GRM8: variants seen among roughly 807,000 people sequenced by gnomAD.
The protein encoded by GRM8 is glutamate metabotropic receptor 8.
Under a neutral mutation model 87.2 loss-of-function variants are expected in GRM8, and 47 were observed. The ratio of observed to expected loss-of-function variants is 0.54; its 90% CI spans 0.43 to 0.69. GRM8 has a LOEUF of 0.69. Among genes scored for constraint, GRM8 ranks in the 30% least tolerant of loss-of-function variants. GRM8 has a pLI of 0.00. For synonymous variants in GRM8, 396 were observed against 404.5 expected (o/e 0.98, Z 0.25); for missense variants, 1,019 against 1,139.2 (o/e 0.89, Z 1.52).
At chr7:126,713,558 A>G (rs930600631) in intron 7 of GRM8, among the ~76,000 whole-genome samples, 1 of 151,544 alleles carries the variant, frequency 6.6e-6, no homozygotes. Flanking sequence ...GCACATGTAT[A>G]CTTATGTAAC....
chr7:126,672,615 A>T (rs1163796184), intron 7 of GRM8, among the ~76,000 whole-genome samples: 2 of 152,202 alleles, frequency 1.3e-5, no homozygotes, highest in African/African-American at 2.4e-5. Flanking sequence ...GATCAAGCTC[A>T]GCGGGAAAGG....
At chr7:127,218,171 A>G (rs1796690892) in intron 2 of GRM8, among the ~76,000 whole-genome samples, 1 of 152,250 alleles carries the variant, frequency 6.6e-6, no homozygotes, top group Non-Finnish European at 1.5e-5. Context: ...AACAATAACC[A>G]AAACACTAAC....
At chr7:126,603,646 G>A (rs1405737110) in intron 8 of GRM8, among the ~76,000 whole-genome samples, 1 of 152,074 alleles carries the variant, frequency 6.6e-6, no homozygotes, top group African/African-American at 2.4e-5. Flanking sequence ...AAAGGGCCCA[G>A]GGAATTGACT....
intron 6 of GRM8, among the ~76,000 whole-genome samples, chr7:126,819,003 C>T (rs1469672741): frequency 2.6e-5 from 4 of 152,094 alleles, no homozygotes; most frequent in Admixed American, 2.0e-4. Flanking sequence ...CATCCCACTG[C>T]TAATACCCCA....
chr7:126,473,724 T>A (rs1805573360), intron 9 of GRM8, among the ~76,000 whole-genome samples: 2 of 152,170 alleles, frequency 1.3e-5, no homozygotes, highest in African/African-American at 4.8e-5. Context: ...TCTTGAATTA[T>A]AGCTCCCACA....
At chr7:126,647,854 T>C (rs1361989) in intron 7 of GRM8, among the ~76,000 whole-genome samples, 46,673 of 151,998 alleles carry the variant, frequency 0.31, 8,024 homozygotes, top group East Asian at 0.43. Context: ...TGTTGTTCTC[T>C]TCCAATGCAT....
rs1213338256 is a variant in GRM8, at chr7:126,685,188, A to G, written c.1358-75690T>C. Among the ~76,000 whole-genome samples, 1 of 152,166 alleles carries G rather than the reference A, an allele frequency of 6.6e-6. No homozygotes were observed. Among genetic ancestry groups the G allele is most frequent in the Non-Finnish European group, 1.5e-5 (1 of 68,000 alleles). ...CATGGGGAAGAGGCGAATAGTCCCTAGAGACTTCCCCTGGGGGACCCCCTG... is the reference window on the plus strand; with the variant it reads ...CATGGGGAAGAGGCGAATAGTCCCTGGAGACTTCCCCTGGGGGACCCCCTG... On this transcript the variant is annotated intron_variant, in intron 7 of 10. Transcript: ENST00000339582. The surrounding 1 kb of genome is among the most constrained non-coding windows in gnomAD (Gnocchi z 4.2).
chr7:126,686,130 G>T (rs1343213202), intron 7 of GRM8, among the ~76,000 whole-genome samples: 1 of 151,678 alleles, frequency 6.6e-6, no homozygotes. Flanking sequence ...ACCAAATGCA[G>T]AGAGGAGCTA....
intron 6 of GRM8, among the ~76,000 whole-genome samples, chr7:126,884,095 T>C (rs1800263498): frequency 1.3e-5 from 2 of 152,140 alleles, no homozygotes; most frequent in Non-Finnish European, 2.9e-5. Flanking sequence ...TCCCTAGGAT[T>C]CTGCTAAAAT....
chr7:126,513,466 C>T (rs780322843), intron 9 of GRM8, among the ~76,000 whole-genome samples: 12 of 152,090 alleles, frequency 7.9e-5, no homozygotes, highest in African/African-American at 2.4e-4. Context: ...TTTCTTAAAC[C>T]AGGACTTCTT....
At chr7:126,880,016 G>A (rs1799883461) in intron 6 of GRM8, among the ~76,000 whole-genome samples, 2 of 152,162 alleles carry the variant, frequency 1.3e-5, no homozygotes, top group South Asian at 2.1e-4. Context: ...TCTAGGAAAT[G>A]GTGAAGATCT....
chr7:126,831,999 G>A (rs1244880020), intron 6 of GRM8, among the ~76,000 whole-genome samples: 1 of 152,026 alleles, frequency 6.6e-6, no homozygotes, highest in Non-Finnish European at 1.5e-5. Context: ...AAGTGTGAAA[G>A]CCATATCAAT....
intron 6 of GRM8, among the ~76,000 whole-genome samples, chr7:126,871,214 A>G (rs572378177): frequency 6.6e-6 from 1 of 152,276 alleles, no homozygotes; most frequent in East Asian, 1.9e-4. Flanking sequence ...AAAGTCCACA[A>G]AAATGAATAG....
chr7:126,895,334 G>C lies in GRM8; in HGVS notation c.1156+7208C>G, dbSNP rs1801440695. Among the ~76,000 whole-genome samples the C allele has an allele frequency of 1.3e-5, 2 of 151,910 alleles. 1 individual carries two copies. Among genetic ancestry groups the C allele is most frequent in the South Asian group, 4.1e-4 (2 of 4,820 alleles). On this transcript the variant is annotated intron_variant, in intron 6 of 10. Transcript: ENST00000339582. ...GTTTATTTTGCTAATTTAGCTTCAG[G>C]TGCTATGGTTATCATTACAAACTAA...
rs564201940 is a variant in GRM8 at position 127,151,999 on chromosome 7, A to G, written c.511-45287T>C. Among the ~76,000 whole-genome samples, 14 of 152,192 alleles carry G rather than the reference A, an allele frequency of 9.2e-5. 1 individual carries two copies. The South Asian group carries it at 2.9e-3, about 32-fold the overall frequency. ...GTTACTTACGATTTCTCACTTGCCA[A>G]TTGTTGAATTTTCATGTTTATTTTT... On this transcript the variant is annotated intron_variant, in intron 2 of 10. Transcript: ENST00000339582.
intron 6 of GRM8, among the ~76,000 whole-genome samples, chr7:126,866,110 C>T (rs946070290): frequency 7.2e-5 from 11 of 152,172 alleles, no homozygotes; most frequent in African/African-American, 2.4e-4. Context: ...TTTTTTATAA[C>T]AGCCATCCTG....
Position 127,116,840 on chromosome 7 carries a change from C to G in GRM8, c.511-10128G>C, listed in dbSNP as rs151199633. 4.3e-3 allele frequency among the ~76,000 whole-genome samples: 652 copies of G among 152,294 alleles called. 1 individual carries two copies. Among genetic ancestry groups the G allele is most frequent in the Non-Finnish European group, 7.1e-3 (484 of 68,026 alleles). On this transcript the variant is annotated intron_variant, in intron 2 of 10. Coordinates refer to ENST00000339582, the MANE Select transcript of GRM8 (RefSeq NM_000845.3). ...AATATTAAACCATAGACCACCGTCT[C>G]CCATGCATATTACAAATAATGTTTT...
intron 9 of GRM8, among the ~76,000 whole-genome samples, chr7:126,458,307 G>C (rs1297236296): frequency 6.6e-6 from 1 of 150,962 alleles, no homozygotes; most frequent in Non-Finnish European, 1.5e-5. Context: ...AAAGAGAAAA[G>C]CATATATAAA....
chr7:126,995,372 G>C (rs746292231), intron 3 of GRM8, among the ~76,000 whole-genome samples: 3 of 152,186 alleles, frequency 2.0e-5, no homozygotes, highest in African/African-American at 4.8e-5. Flanking sequence ...TAAGGGACCA[G>C]GGACCAATCC....
Sources: gnomAD v4.1 joint callset for allele counts (sites outside exome capture counted in the v4.1 genomes callset) on GRCh38, gnomAD v4.1.1 for gene constraint, Gnocchi (gnomAD v3.1) non-coding constraint, MANE v1.5 for transcripts, NCBI Gene and HGNC (gene_info 2026-07-23, HGNC 2026-07-21) for gene names.